Variants in HTR4 observed in about 807,000 individuals in gnomAD.
HTR4 encodes the protein 5-hydroxytryptamine receptor 4.
In HTR4, 16 loss-of-function variants were observed where a neutral mutation model predicts 36.8. The observed-to-expected ratio is 0.43, with a 90% CI of 0.29 to 0.66. HTR4 has a LOEUF of 0.66. HTR4 is among the 30% of genes least tolerant of loss of function. HTR4 has a pLI of 0.13. For synonymous variants in HTR4, 189 were observed against 185.1 expected (o/e 1.02, Z -0.17); for missense variants, 438 against 490.9 (o/e 0.89, Z 1.02).
At chr5:148,652,377 G>A (rs114930463) in intron 1 of HTR4, among the ~76,000 whole-genome samples, 1,893 of 152,226 alleles carry the variant, frequency 0.012, 40 homozygotes, top group African/African-American at 0.042. Flanking sequence ...TTCAATAACA[G>A]GTGGAAAAAT....
At chr5:148,627,715 T>C (rs1753170910) in intron 2 of HTR4, among the ~76,000 whole-genome samples, 1 of 152,234 alleles carries the variant, frequency 6.6e-6, no homozygotes, top group Admixed American at 6.5e-5. Flanking sequence ...TGAACATTAT[T>C]ACCTGACTGA....
chr5:148,639,758 T>G (rs1019590973), intron 1 of HTR4, among the ~76,000 whole-genome samples: 10 of 151,770 alleles, frequency 6.6e-5, no homozygotes, highest in African/African-American at 2.4e-4. Flanking sequence ...GAGAAATGCC[T>G]GGTATATTGT....
At chr5:148,532,585 A>T (rs1180809085) in intron 4 of HTR4, among the ~76,000 whole-genome samples, 1 of 152,220 alleles carries the variant, frequency 6.6e-6, no homozygotes, top group African/African-American at 2.4e-5. Context: ...CTGGATCAGG[A>T]TGGTGGAGGA....
At chr5:148,614,726 C>T (rs2127285640) in intron 2 of HTR4, among the ~76,000 whole-genome samples, 1 of 152,056 alleles carries the variant, frequency 6.6e-6, no homozygotes, top group East Asian at 1.9e-4. Flanking sequence ...AAAGAAACTA[C>T]CATCAGAGTG....
intron 6 of HTR4, among the ~76,000 whole-genome samples, chr5:148,496,032 G>A (rs1480942247): frequency 2.0e-5 from 3 of 152,140 alleles, no homozygotes; most frequent in Non-Finnish European, 2.9e-5. Flanking sequence ...CTCAGGAGGC[G>A]GAGGTTGCAG....
chr5:148,559,693 G>C (rs1270295083), intron 2 of HTR4, among the ~76,000 whole-genome samples: 3 of 152,032 alleles, frequency 2.0e-5, no homozygotes, highest in Non-Finnish European at 4.4e-5. Flanking sequence ...CAATGACTGC[G>C]AGCTAGCTTC....
At chr5:148,526,349 G>T (rs1033072022) in intron 4 of HTR4, among the ~76,000 whole-genome samples, 1 of 152,120 alleles carries the variant, frequency 6.6e-6, no homozygotes, top group Non-Finnish European at 1.5e-5. Flanking sequence ...TATACTTTCA[G>T]ATCATAGCTC....
chr5:148,457,883 TTAA>T (rs1755143767), intron 5 of HTR4, among the ~76,000 whole-genome samples: 1 of 137,526 alleles, frequency 7.3e-6, no homozygotes, highest in Non-Finnish European at 1.5e-5. Context: ...CATTAAAATA[TTAA>T]AATATATTAT....
chr5:148,502,971 T>C (rs1757008510), intron 6 of HTR4, among the ~76,000 whole-genome samples: 1 of 152,130 alleles, frequency 6.6e-6, no homozygotes, highest in Non-Finnish European at 1.5e-5. Context: ...AAACAAAGCC[T>C]CCAAGGAATA....
chr5:148,520,837 A>T (rs1266942481), intron 5 of HTR4: 7 of 1,340,476 alleles, frequency 5.2e-6, no homozygotes, highest in Non-Finnish European at 7.0e-6. Flanking sequence ...GGATTCAAAA[A>T]ATGTCCATGC....
At chr5:148,465,985 G>GA in intron 5 of HTR4, 1 of 1,561,210 alleles carries the variant, frequency 6.4e-7, no homozygotes, top group South Asian at 1.2e-5. Flanking sequence ...ATTTGGGAAA[G>GA]AAAAAAGAAA....
At chr5:148,653,167 G>A (rs1173014325) in intron 1 of HTR4, among the ~76,000 whole-genome samples, 2 of 152,148 alleles carry the variant, frequency 1.3e-5, no homozygotes, top group Non-Finnish European at 2.9e-5. Flanking sequence ...TGGAAGACAG[G>A]GAGGGCAAAC....
chr5:148,543,554 C>A (rs562871027), intron 4 of HTR4, among the ~76,000 whole-genome samples: 1 of 152,170 alleles, frequency 6.6e-6, no homozygotes, highest in Non-Finnish European at 1.5e-5. Context: ...TCAAATAAGT[C>A]TGCTTATTAC....
At chr5:148,641,208 G>A (rs747442729) in intron 1 of HTR4, among the ~76,000 whole-genome samples, 3 of 152,148 alleles carry the variant, frequency 2.0e-5, no homozygotes, top group Non-Finnish European at 4.4e-5. Context: ...ACACTGCCTA[G>A]CTAATTAAAA....
intron 2 of HTR4, among the ~76,000 whole-genome samples, chr5:148,596,323 T>C (rs1761770288): frequency 6.6e-6 from 1 of 152,214 alleles, no homozygotes; most frequent in Admixed American, 6.5e-5. Flanking sequence ...TCCTGATTCA[T>C]CTTCCAGAAG....
downstream of HTR4, among the ~76,000 whole-genome samples, chr5:148,477,466 T>G (rs1581352812): frequency 6.6e-6 from 1 of 152,178 alleles, no homozygotes; most frequent in South Asian, 2.1e-4. Context: ...TTCTTGCTGC[T>G]AACAAGAACG....
At chr5:148,638,191 T>A (rs1395051791) in intron 1 of HTR4, among the ~76,000 whole-genome samples, 4 of 152,154 alleles carry the variant, frequency 2.6e-5, no homozygotes, top group Non-Finnish European at 5.9e-5. Context: ...TTTTTCGATG[T>A]TTGTTTCTTA....
intron 2 of HTR4, among the ~76,000 whole-genome samples, chr5:148,626,385 A>T (rs1002724970): frequency 2.6e-5 from 4 of 152,214 alleles, no homozygotes; most frequent in Non-Finnish European, 5.9e-5. Flanking sequence ...TAAAAGTCAC[A>T]CTAACTCAAT....
At chr5:148,640,795 T>C (rs1294675280) in intron 1 of HTR4, among the ~76,000 whole-genome samples, 1 of 152,230 alleles carries the variant, frequency 6.6e-6, no homozygotes, top group Non-Finnish European at 1.5e-5. Context: ...CAGTTTCAGC[T>C]TTAAAAGCCA....
Sources: gnomAD v4.1 joint callset for allele counts (sites outside exome capture counted in the v4.1 genomes callset) on GRCh38, gnomAD v4.1.1 for gene constraint, MANE v1.5 for transcripts, NCBI Gene and HGNC (gene_info 2026-07-23, HGNC 2026-07-21) for gene names.